The following CNIH3 variants were observed in gnomAD, a reference collection of about 807,000 sequenced individuals.
CNIH3 encodes cornichon family AMPA receptor auxiliary protein 3, also known as protein cornichon homolog 3.
A neutral mutation model predicts 24.1 loss-of-function variants in CNIH3; 14 were observed. The observed-to-expected ratio is 0.58, with a 90% CI of 0.38 to 0.91. The LOEUF (loss-of-function observed/expected upper bound fraction) is 0.91. CNIH3 is among the 40% of genes least tolerant of loss of function. The pLI is 0.00. For missense variants in CNIH3, 178 were observed against 196.8 expected (o/e 0.90, Z 0.57); for synonymous variants, 68 against 73.8 (o/e 0.92, Z 0.40).
chr1:224,507,953 G>C (rs1677986841), intron 1 of CNIH3, among the ~76,000 whole-genome samples: 1 of 152,204 alleles, frequency 6.6e-6, no homozygotes, highest in Non-Finnish European at 1.5e-5. Flanking sequence ...GCATACGCTA[G>C]ACAACTCCTC....
At chr1:224,625,261 C>T (rs1423350621) in intron 1 of CNIH3, among the ~76,000 whole-genome samples, 1 of 152,176 alleles carries the variant, frequency 6.6e-6, no homozygotes, top group Non-Finnish European at 1.5e-5. Flanking sequence ...TAAAAATGCA[C>T]ATTTTTGTCC....
chr1:224,616,793 G>A lies in CNIH3; in HGVS notation c.-382G>A, dbSNP rs1298792430. On this transcript the variant is annotated 5_prime_UTR_variant, in exon 1 of 6. Coordinates refer to ENST00000272133, the MANE Select transcript of CNIH3 (RefSeq NM_152495.2). ...CAGAGAGCTCTTCCTGGGGCGAATG[G>A]GACCTCCTCCCTCGGTCCTCCGTGG... is the stretch of plus-strand genomic sequence containing the variant. The A allele has an allele frequency of 9.5e-7, 1 of 1,056,812 alleles. No homozygotes were observed. The highest frequency in any genetic ancestry group is 1.7e-5 in the African/African-American group (1 of 59,528). The allele number at this position is 1,056,812 out of a possible 1,614,324, so 65.5% of individuals were successfully genotyped here.
intron 3 of CNIH3, chr1:224,565,857 G>C (rs1680559180): frequency 6.6e-6 from 1 of 152,118 alleles, no homozygotes; most frequent in Non-Finnish European, 1.5e-5. Context: ...CCAGCACAGA[G>C]CTTGGTGCAC....
chr1:224,687,607 A>C (rs957375947), intron 3 of CNIH3, among the ~76,000 whole-genome samples: 1 of 151,982 alleles, frequency 6.6e-6, no homozygotes, highest in African/African-American at 2.4e-5. Flanking sequence ...ACTTTTAACA[A>C]TTGGTTATTA....
intron 3 of CNIH3, among the ~76,000 whole-genome samples, chr1:224,611,106 G>A (rs999152930): frequency 2.0e-5 from 3 of 151,602 alleles, no homozygotes; most frequent in Admixed American, 6.6e-5. Flanking sequence ...AGGTAGTGGC[G>A]GCCAAATGTT....
intron 1 of CNIH3, among the ~76,000 whole-genome samples, chr1:224,493,974 A>G (rs1298952645): frequency 6.6e-6 from 1 of 152,204 alleles, no homozygotes; most frequent in Non-Finnish European, 1.5e-5. Context: ...CTGACAATAC[A>G]CTTGAAGGTA....
intron 1 of CNIH3, among the ~76,000 whole-genome samples, chr1:224,501,840 C>T (rs1052103374): frequency 3.6e-4 from 55 of 151,638 alleles, no homozygotes; most frequent in Non-Finnish European, 6.9e-4. Flanking sequence ...CTCGGCCTCC[C>T]AAAGTGCTAG....
intron 1 of CNIH3, among the ~76,000 whole-genome samples, chr1:224,516,128 A>G (rs1678369965): frequency 1.3e-5 from 2 of 152,006 alleles, no homozygotes; most frequent in Non-Finnish European, 1.5e-5. Flanking sequence ...CATTCTAGCC[A>G]ACATGGTGAA....
intron 1 of CNIH3, among the ~76,000 whole-genome samples, chr1:224,459,010 C>T (rs934985671): frequency 3.3e-5 from 5 of 152,224 alleles, no homozygotes; most frequent in African/African-American, 9.6e-5. Flanking sequence ...CTCCAGTGAT[C>T]AGCTCTCTTA....
chr1:224,492,558 A>G (rs538125696), intron 1 of CNIH3, among the ~76,000 whole-genome samples: 1 of 152,358 alleles, frequency 6.6e-6, no homozygotes, highest in Admixed American at 6.5e-5. Flanking sequence ...TAGTTTATAG[A>G]TAAAATCTAT....
At chr1:224,537,055 G>C (rs1473585310), downstream of CNIH3, 1 of 152,164 alleles carries the variant, frequency 6.6e-6, no homozygotes, top group East Asian at 1.9e-4. Context: ...GCTGGGAACT[G>C]CATCAGGCAA....
intron 4 of CNIH3, among the ~76,000 whole-genome samples, chr1:224,572,372 T>C (rs977986059): frequency 6.6e-6 from 1 of 151,994 alleles, no homozygotes; most frequent in African/African-American, 2.4e-5. Context: ...AAAACTTATC[T>C]GGGCAAGGTG....
chr1:224,626,214 G>C (rs1355997919), intron 1 of CNIH3, among the ~76,000 whole-genome samples: 1 of 152,176 alleles, frequency 6.6e-6, no homozygotes, highest in Non-Finnish European at 1.5e-5. Context: ...AGATCTGCAG[G>C]GTTGGAAGTG....
chr1:224,681,945 T>G (rs1686423814), intron 2 of CNIH3, among the ~76,000 whole-genome samples: 1 of 152,208 alleles, frequency 6.6e-6, no homozygotes, highest in South Asian at 2.1e-4. Flanking sequence ...GGCAACTTTT[T>G]GCCTCTTTGA....
At chr1:224,645,932 C>A (rs1684584179) in intron 1 of CNIH3, among the ~76,000 whole-genome samples, 2 of 152,192 alleles carry the variant, frequency 1.3e-5, no homozygotes, top group Non-Finnish European at 2.9e-5. Flanking sequence ...TAGATCAGAT[C>A]ATCTCTTCCC....
chr1:224,524,968 A>T (rs768292951), intron 2 of CNIH3, among the ~76,000 whole-genome samples: 1 of 152,194 alleles, frequency 6.6e-6, no homozygotes, highest in African/African-American at 2.4e-5. Context: ...AGACTATAGG[A>T]TATAAATCTG....
At chr1:224,737,511 T>C (rs1208293907) in intron 5 of CNIH3, among the ~76,000 whole-genome samples, 3 of 151,992 alleles carry the variant, frequency 2.0e-5, no homozygotes, top group Non-Finnish European at 4.4e-5. Flanking sequence ...AGACTCTGTT[T>C]CTCCCACCTT....
intron 1 of CNIH3, among the ~76,000 whole-genome samples, chr1:224,443,414 T>A (rs1340052616): frequency 6.6e-6 from 1 of 152,152 alleles, no homozygotes; most frequent in Admixed American, 6.5e-5. Flanking sequence ...AATTCATACT[T>A]GATTACTCCA....
At chr1:224,600,851 A>G (rs1682177406) in intron 3 of CNIH3, among the ~76,000 whole-genome samples, 1 of 152,198 alleles carries the variant, frequency 6.6e-6, no homozygotes, top group Admixed American at 6.5e-5. Flanking sequence ...TTATAAGAAA[A>G]TATACCAGAG....
Sources: gnomAD v4.1 joint callset for allele counts (sites outside exome capture counted in the v4.1 genomes callset) on GRCh38, gnomAD v4.1.1 for gene constraint, MANE v1.5 for transcripts, NCBI Gene and HGNC (gene_info 2026-07-23, HGNC 2026-07-21) for gene names.